MYRIP: variants seen among roughly 807,000 people sequenced by gnomAD.
MYRIP encodes the protein rab effector MyRIP.
MYRIP carries 49 observed loss-of-function variants against 98.0 expected under a neutral mutation model. The observed-to-expected ratio is 0.50, with a 90% CI of 0.40 to 0.63. The LOEUF (loss-of-function observed/expected upper bound fraction) is 0.63, where lower values mean the gene tolerates loss of function less well. Among genes scored for constraint, MYRIP ranks in the 30% least tolerant of loss-of-function variants. The pLI, the probability that MYRIP is intolerant of heterozygous loss-of-function variation, is 0.00. For synonymous variants in MYRIP, 404 were observed against 409.5 expected (o/e 0.99, Z 0.16); for missense variants, 1,004 against 1,058.2 (o/e 0.95, Z 0.71).
chr3:40,125,018 A>T (rs1042118219), intron 3 of MYRIP, among the ~76,000 whole-genome samples: 2 of 152,132 alleles, frequency 1.3e-5, no homozygotes, highest in African/African-American at 4.8e-5. Context: ...CTGTGAAGTG[A>T]GGATTAATAA....
chr3:40,129,307 G>C (rs1361499867), intron 3 of MYRIP, among the ~76,000 whole-genome samples: 1 of 151,374 alleles, frequency 6.6e-6, no homozygotes, highest in South Asian at 2.1e-4. Flanking sequence ...CAGGCATAGT[G>C]GGGGGCGCCT....
intron 5 of MYRIP, among the ~76,000 whole-genome samples, chr3:40,164,403 CA>C: frequency 6.6e-6 from 1 of 152,324 alleles, no homozygotes; most frequent in East Asian, 1.9e-4. Context: ...GTTGAAAACT[CA>C]GGCAAGAGTT....
chr3:39,877,455 T>C (rs1413891281), intron 1 of MYRIP, among the ~76,000 whole-genome samples: 1 of 152,076 alleles, frequency 6.6e-6, no homozygotes, highest in Non-Finnish European at 1.5e-5. Flanking sequence ...GCTCTGTTTT[T>C]TCCCCATCTT....
intron 3 of MYRIP, among the ~76,000 whole-genome samples, chr3:40,101,621 A>G (rs543039778): frequency 4.6e-5 from 7 of 152,130 alleles, no homozygotes; most frequent in Admixed American, 3.3e-4. Context: ...TTTTCTGGAA[A>G]ATATCCTCAA....
At chr3:40,125,109 C>A (rs1575557292) in intron 3 of MYRIP, among the ~76,000 whole-genome samples, 1 of 152,178 alleles carries the variant, frequency 6.6e-6, no homozygotes, top group East Asian at 1.9e-4. Context: ...CACTCATACC[C>A]ATGGTACATG....
intron 2 of MYRIP, among the ~76,000 whole-genome samples, chr3:39,987,019 C>T (rs1016135249): frequency 9.9e-5 from 15 of 152,094 alleles, no homozygotes; most frequent in Admixed American, 2.6e-4. Context: ...TTTTAAGTTC[C>T]GGGGTACAGG....
At chr3:39,874,505 G>A (rs760127229) in intron 1 of MYRIP, among the ~76,000 whole-genome samples, 372 of 152,194 alleles carry the variant, frequency 2.4e-3, no homozygotes, top group Non-Finnish European at 4.1e-3. Context: ...ATTATTTTGA[G>A]ATACGTCCCA....
intron 1 of MYRIP, among the ~76,000 whole-genome samples, chr3:39,825,831 C>T (rs543595602): frequency 3.7e-4 from 56 of 152,058 alleles, no homozygotes; most frequent in Admixed American, 9.2e-4. Context: ...TTTTGGGAGG[C>T]TTTTTACTAC....
chr3:39,952,891 C>A (rs1257835481), intron 2 of MYRIP, among the ~76,000 whole-genome samples: 1 of 152,146 alleles, frequency 6.6e-6, no homozygotes, highest in Non-Finnish European at 1.5e-5. Flanking sequence ...TACAGCCTCC[C>A]AGACCACCAG....
chr3:39,892,903 T>C (rs1943522337), intron 1 of MYRIP, among the ~76,000 whole-genome samples: 1 of 152,176 alleles, frequency 6.6e-6, no homozygotes, highest in South Asian at 2.1e-4. Context: ...GATAAATAAA[T>C]GTGGTCAGCA....
intron 3 of MYRIP, among the ~76,000 whole-genome samples, chr3:40,103,583 AC>A (rs1264692010): frequency 3.9e-5 from 6 of 152,192 alleles, no homozygotes; most frequent in Non-Finnish European, 8.8e-5. Context: ...ACATGGACAA[AC>A]CCTGTCTCTA....
chr3:40,043,754 T>C (rs1232745944), intron 2 of MYRIP, among the ~76,000 whole-genome samples: 2 of 152,234 alleles, frequency 1.3e-5, no homozygotes, highest in African/African-American at 4.8e-5. Flanking sequence ...GATATGCTTA[T>C]TAGTTTTTTA....
chr3:40,028,421 T>C (rs567519082), intron 2 of MYRIP, among the ~76,000 whole-genome samples: 2 of 152,332 alleles, frequency 1.3e-5, no homozygotes, highest in African/African-American at 4.8e-5. Flanking sequence ...CCAGACGCTA[T>C]TGCAGAAACC....
intron 7 of MYRIP, among the ~76,000 whole-genome samples, chr3:40,168,880 TGC>T (rs1268451405): frequency 6.6e-6 from 1 of 152,228 alleles, no homozygotes; most frequent in Non-Finnish European, 1.5e-5. Flanking sequence ...CACTAGAAAG[TGC>T]CGTATGCAGG....
intron 1 of MYRIP, among the ~76,000 whole-genome samples, chr3:39,820,557 A>G (rs779988520): frequency 3.0e-4 from 46 of 152,180 alleles, no homozygotes; most frequent in Non-Finnish European, 2.5e-4. Flanking sequence ...TCTTACATGA[A>G]TACAGTTTTG....
At chr3:39,946,962 G>A (rs968979496) in intron 2 of MYRIP, among the ~76,000 whole-genome samples, 5 of 152,218 alleles carry the variant, frequency 3.3e-5, no homozygotes, top group African/African-American at 7.2e-5. Context: ...GTTGGAATTC[G>A]CTAAAGGCGA....
chr3:40,147,510 T>C (rs1156711661), intron 3 of MYRIP, among the ~76,000 whole-genome samples: 2 of 152,198 alleles, frequency 1.3e-5, no homozygotes, highest in African/African-American at 4.8e-5. Context: ...ATTATATAAA[T>C]ATTATCTTCT....
intron 2 of MYRIP, among the ~76,000 whole-genome samples, chr3:39,949,774 TGATTTGGCTCAAC>T (rs1944969856): frequency 6.6e-6 from 1 of 152,206 alleles, no homozygotes; most frequent in Non-Finnish European, 1.5e-5. Flanking sequence ...GCCCTGGATA[TGATTTGGCTCAAC>T]TGGCAACTTG....
chr3:40,191,565 C>T (rs940596583), intron 10 of MYRIP, among the ~76,000 whole-genome samples: 9 of 152,172 alleles, frequency 5.9e-5, no homozygotes, highest in African/African-American at 2.2e-4. Flanking sequence ...ATGCCTCAGC[C>T]ACATCCCTGG....
Sources: allele counts gnomAD v4.1 joint callset (sites outside exome capture counted in the v4.1 genomes callset), GRCh38; gene constraint gnomAD v4.1.1; transcripts MANE v1.5; gene names NCBI Gene and HGNC (gene_info 2026-07-23, HGNC 2026-07-21).